Variants in EPN2 observed in about 807,000 individuals in gnomAD.
EPN2 encodes the protein epsin 2, also known as epsin-2.
A neutral mutation model predicts 61.7 loss-of-function variants in EPN2; 34 were observed. The ratio of observed to expected loss-of-function variants is 0.55; its 90% confidence interval spans 0.42 to 0.73. The LOEUF (loss-of-function observed/expected upper bound fraction) is 0.73, where lower values mean the gene tolerates loss of function less well. Ranked by LOEUF, EPN2 falls within the 30% of genes least tolerant of loss-of-function variation. EPN2 has a pLI of 0.00. For synonymous variants in EPN2, 349 were observed against 353.6 expected, an observed-to-expected ratio of 0.99 and a Z score of 0.15; for missense variants, 714 against 839.2, an observed-to-expected ratio of 0.85 and a Z score of 1.84.
At chr17:19,297,345 A>G (rs1333187478) in intron 4 of EPN2, 1 of 152,270 alleles carries the variant, frequency 6.6e-6, no homozygotes, top group East Asian at 1.9e-4. Flanking sequence ...AGGTCTGAAA[A>G]CAAAGCAGAT....
intron 4 of EPN2, chr17:19,308,692 T>C (rs952648441): frequency 1.0e-6 from 1 of 984,910 alleles, no homozygotes; most frequent in Non-Finnish European, 1.2e-6. Context: ...TAGCTCCAAA[T>C]CTCTCAGAGG....
intron 1 of EPN2, among the ~76,000 whole-genome samples, chr17:19,237,791 C>A (rs994770570): frequency 6.6e-6 from 1 of 152,110 alleles, no homozygotes; most frequent in Admixed American, 6.5e-5. Context: ...GGATCTCCCC[C>A]CTTACCCGTC....
chr17:19,257,642 C>T (rs572528013), intron 1 of EPN2, among the ~76,000 whole-genome samples: 9 of 152,046 alleles, frequency 5.9e-5, no homozygotes, highest in South Asian at 2.1e-4. Flanking sequence ...CTCCACCTCC[C>T]GAGTAGCTGG....
chr17:19,329,250 A>C (rs902343253), intron 8 of EPN2: 1 of 432,108 alleles, frequency 2.3e-6, no homozygotes, highest in Non-Finnish European at 4.1e-6. Context: ...CATCCAAGCA[A>C]CCAGACCCAG....
At position 19,328,902 on chromosome 17, in the gene EPN2, C is replaced by T. The variant is rs776042032; in HGVS notation, c.1324+15C>T. On this transcript the variant is annotated intron_variant, in intron 8 of 10. Transcript: ENST00000314728. ...GTCTGTCTCTGGTGAGCCCCTCACT[C>T]ACCCACTTTCCTGCCTGGCCTCTGA... 1.0e-5 allele frequency: 16 copies of T among 1,596,204 alleles called. No homozygotes were observed. Among genetic ancestry groups the T allele is most frequent in the African/African-American group, 1.3e-5 (1 of 74,772 alleles).
intron 9 of EPN2, chr17:19,330,642 C>G (rs1331861641): frequency 1.3e-5 from 2 of 152,282 alleles, no homozygotes; most frequent in Admixed American, 6.5e-5. Context: ...CTGTCCTTGA[C>G]TCCTGCTCCG....
chr17:19,246,850 G>T (rs191534783), intron 1 of EPN2, among the ~76,000 whole-genome samples: 2 of 147,832 alleles, frequency 1.4e-5, no homozygotes, highest in African/African-American at 5.1e-5. Context: ...CTCACTGCAG[G>T]CTCCGCCCCC....
chr17:19,282,954 T>A lies in EPN2; in HGVS notation c.-166T>A. On this transcript the variant is annotated 5_prime_UTR_variant, in exon 3 of 11. An upstream start codon of the reference 5' UTR is lost. Transcript: ENST00000314728. Reference sequence around the variant, plus strand: ...ATGGGTTTTCTCTTTCTCTAGGTCATGGCTTCCAGCTTTTCGAATCTGAGG... The same window carrying A: ...ATGGGTTTTCTCTTTCTCTAGGTCAAGGCTTCCAGCTTTTCGAATCTGAGG... 1 of 600,002 alleles carries A rather than the reference T, an allele frequency of 1.7e-6. No individual in the cohort carries two copies. Among genetic ancestry groups the A allele is most frequent in the Non-Finnish European group, 2.9e-6 (1 of 342,598 alleles). 37.2% of individuals were successfully genotyped at this position (600,002 alleles called of 1,614,324 possible). A position where few individuals can be genotyped will look rare whatever the true frequency, so the allele number is the denominator to read the frequency against.
intron 7 of EPN2, among the ~76,000 whole-genome samples, chr17:19,321,710 C>CT (rs78538359): frequency 0.18 from 26,847 of 152,018 alleles, 3,073 homozygotes; most frequent in East Asian, 0.6. Context: ...AGGCTCCAGT[C>CT]TGTTATCCAG....
intron 4 of EPN2, among the ~76,000 whole-genome samples, chr17:19,303,254 A>G (rs985365416): frequency 1.4e-4 from 22 of 152,144 alleles, no homozygotes; most frequent in Non-Finnish European, 2.8e-4. Context: ...ACAGTCACAC[A>G]CCTCACAAAA....
At chr17:19,312,658 G>A (rs750257220) in intron 6 of EPN2, among the ~76,000 whole-genome samples, 24 of 152,222 alleles carry the variant, frequency 1.6e-4, no homozygotes, top group Admixed American at 1.4e-3. Context: ...TACTGAGGCC[G>A]GTGGAGCCCC....
At chr17:19,258,365 C>T (rs536817896) in intron 1 of EPN2, among the ~76,000 whole-genome samples, 89 of 152,294 alleles carry the variant, frequency 5.8e-4, no homozygotes, top group African/African-American at 2.0e-3. Context: ...TCGCCAGGTC[C>T]TTCCCAATGC....
chr17:19,295,366 A>ACACG lies in EPN2; in HGVS notation c.766+9577_766+9578insACGC, dbSNP rs147719775. ...TACACACACACACACACACACACAC[A>ACACG]CGCGCGTGCGCGCAAAATAGCCAGG... is the stretch of plus-strand genomic sequence containing the variant. On this transcript the variant is annotated intron_variant, in intron 4 of 10. Coordinates refer to ENST00000314728, the MANE Select transcript of EPN2 (RefSeq NM_014964.5). Among the ~76,000 whole-genome samples, 174 of 140,386 alleles carry ACACG rather than the reference A, an allele frequency of 1.2e-3. 3 individuals are homozygous for ACACG. The South Asian group carries it at 0.018, about 14-fold the overall frequency. The allele number at this position is 140,386 out of a possible 152,430, so 92.1% of individuals were successfully genotyped here.
chr17:19,242,881 G>T (rs548139804), intron 1 of EPN2, among the ~76,000 whole-genome samples: 1 of 152,232 alleles, frequency 6.6e-6, no homozygotes, highest in South Asian at 2.1e-4. Context: ...TTTCCTCTTG[G>T]TCCCACCCCT....
intron 1 of EPN2, among the ~76,000 whole-genome samples, chr17:19,243,247 T>C (rs1388288762): frequency 5.4e-5 from 7 of 129,918 alleles, no homozygotes; most frequent in African/African-American, 1.8e-4. Flanking sequence ...TGAGACAGAG[T>C]CTTGTTCTGT....
chr17:19,265,745 A>G (rs2045190892), intron 1 of EPN2, among the ~76,000 whole-genome samples: 1 of 152,066 alleles, frequency 6.6e-6, no homozygotes, highest in African/African-American at 2.4e-5. Context: ...CAGCTCCACT[A>G]GGCCATTTTC....
At chr17:19,273,289 A>G (rs2045273680) in intron 1 of EPN2, 1 of 152,028 alleles carries the variant, frequency 6.6e-6, no homozygotes, top group East Asian at 1.9e-4. Context: ...GGTTCTTCCT[A>G]TGCAGTCAGC....
intron 4 of EPN2, among the ~76,000 whole-genome samples, chr17:19,304,450 G>A (rs112597609): frequency 1.1e-4 from 17 of 152,316 alleles, no homozygotes; most frequent in African/African-American, 4.1e-4. Flanking sequence ...CCTCGAAGTA[G>A]GTCAGCCCAG....
At chr17:19,246,337 CAG>C (rs1219060891) in intron 1 of EPN2, among the ~76,000 whole-genome samples, 2 of 152,120 alleles carry the variant, frequency 1.3e-5, no homozygotes, top group African/African-American at 2.4e-5. Flanking sequence ...AGCCTGGCGA[CAG>C]AGCGAGACTG....
Sources: gnomAD v4.1 joint callset for allele counts (sites outside exome capture counted in the v4.1 genomes callset) on GRCh38, gnomAD v4.1.1 for gene constraint, MANE v1.5 for transcripts, NCBI Gene and HGNC (gene_info 2026-07-23, HGNC 2026-07-21) for gene names.